GCH1: variants seen among roughly 807,000 people sequenced by gnomAD.
GCH1 encodes the protein GTP cyclohydrolase I.
GCH1 carries 5 observed loss-of-function variants against 25.9 expected under a neutral mutation model. That is an observed-to-expected ratio of 0.19 (90% CI 0.10 to 0.41). GCH1 has a LOEUF of 0.41. Ranked by LOEUF, GCH1 falls within the 10% of genes least tolerant of loss-of-function variation. GCH1 has a pLI of 1.00. For synonymous variants in GCH1, 159 were observed against 129.6 expected (o/e 1.23, Z -1.54); for missense variants, 261 against 336.5 (o/e 0.78, Z 1.75).
rs114350115 is a variant in GCH1, at chr14:54,862,257, T to C, written c.454-2521A>G. On this transcript the variant is annotated intron_variant, in intron 2 of 5. Coordinates refer to ENST00000491895, the MANE Select transcript of GCH1 (RefSeq NM_000161.3). ...AGTCTCACTTGCTGGTCTTGAACTATTGACCTGAAGCTATCCTCCCACCTT... is the reference window on the plus strand; with the variant it reads ...AGTCTCACTTGCTGGTCTTGAACTACTGACCTGAAGCTATCCTCCCACCTT... 4.1e-3 allele frequency among the ~76,000 whole-genome samples: 620 copies of C among 152,166 alleles called. 5 individuals carry two copies. Among genetic ancestry groups the C allele is most frequent in the African/African-American group, 0.013 (559 of 41,484 alleles).
chr14:54,867,656 G>A (rs961844214), intron 1 of GCH1, among the ~76,000 whole-genome samples: 3 of 149,416 alleles, frequency 2.0e-5, no homozygotes, highest in African/African-American at 7.4e-5. Flanking sequence ...CCTTGGGCAA[G>A]GTACTCTGTA....
chr14:54,899,690 T>C lies in GCH1; in HGVS notation c.343+2631A>G, dbSNP rs554459527. 3.4e-4 allele frequency among the ~76,000 whole-genome samples: 51 copies of C among 152,158 alleles called. 1 individual carries two copies. Among genetic ancestry groups the C allele is most frequent in the Non-Finnish European group, 6.9e-4 (47 of 68,012 alleles). ...ATTTTTAGCCATCTTGAAGTTACAA[T>C]CCAGTGGCATTCACAATATTGTGCA... On this transcript the variant is annotated intron_variant, in intron 1 of 5. Coordinates refer to ENST00000491895, the MANE Select transcript of GCH1 (RefSeq NM_000161.3).
At position 54,902,603 on chromosome 14, in the gene GCH1, C is replaced by A. The variant is rs1342263570; in HGVS notation, c.61G>T (p.Gly21Trp). The change falls in exon 1 of 6, where the codon GGG (glycine) becomes TGG (tryptophan). Residue 21 changes from glycine to tryptophan, a missense_variant. By Grantham distance (184) the Gly-to-Trp change is radical. This residue lies in a region of GCH1 where 125 missense variants were observed against 128.7 expected (regional missense o/e 0.97). Transcript: ENST00000491895. ...CGCGGCGGATCCCGCTCGGGGAACC[C>A]ATTGCTGCACCTGGCGCCCCGCGGC... ...EKPRGARCSN[G>W]FPERDPPRPG... 1 of 1,494,386 alleles carries A rather than the reference C, an allele frequency of 6.7e-7. No homozygotes were observed. The allele number at this position is 1,494,386 out of a possible 1,614,324, so 92.6% of individuals were successfully genotyped here. A position where few individuals can be genotyped will look rare whatever the true frequency, so the allele number is the denominator to read the frequency against.
chr14:54,847,227 T>C, intron 3 of GCH1, 97 bp from the exon 4 acceptor site: 1 of 574,122 alleles, frequency 1.7e-6, no homozygotes, highest in East Asian at 3.3e-5. Flanking sequence ...TTGAAGCAAG[T>C]GGGCTGCAAG....
At chr14:54,859,117 C>T in intron 3 of GCH1, 1 of 157,394 alleles carries the variant, frequency 6.4e-6, no homozygotes, top group Non-Finnish European at 1.4e-5. Flanking sequence ...GACTGGCCTG[C>T]AGGACCCCTG....
intron 1 of GCH1, among the ~76,000 whole-genome samples, chr14:54,899,674 C>G (rs983800261): frequency 6.6e-6 from 1 of 151,942 alleles, no homozygotes; most frequent in African/African-American, 2.4e-5. Context: ...CATTTTTAGC[C>G]ATCTTGAAGT....
In GCH1 at chr14:54,843,636, C is replaced by A; in HGVS notation, c.*381G>T. 5 of 1,506,728 alleles carry A rather than the reference C, an allele frequency of 3.3e-6. No homozygotes were observed. Among genetic ancestry groups the A allele is most frequent in the South Asian group, 1.4e-5 (1 of 72,896 alleles). The allele number at this position is 1,506,728 out of a possible 1,614,324, so 93.3% of individuals were successfully genotyped here. A position where few individuals can be genotyped will look rare whatever the true frequency, so the allele number is the denominator to read the frequency against. On this transcript the variant is annotated 3_prime_UTR_variant, in exon 6 of 6. Transcript: ENST00000491895. Reference sequence around the variant, plus strand: ...ACTTTTATTGGAGGAAGAAAAAAAACAGTATACTGGGCACAGTTCCCTCTC... The same window carrying A: ...ACTTTTATTGGAGGAAGAAAAAAAAAAGTATACTGGGCACAGTTCCCTCTC...
chr14:54,844,213 C>T, intron 5 of GCH1, 70 bp from the exon 6 acceptor site: 1 of 989,498 alleles, frequency 1.0e-6, no homozygotes, highest in Non-Finnish European at 1.6e-6. Flanking sequence ...AAAAGCAGGC[C>T]TAAAGATTAA....
At chr14:54,896,357 T>C (rs1436945217) in intron 1 of GCH1, among the ~76,000 whole-genome samples, 1 of 152,142 alleles carries the variant, frequency 6.6e-6, no homozygotes, top group African/African-American at 2.4e-5. Flanking sequence ...ACCAGTATCC[T>C]TCCTTCTCCC....
In GCH1 at chr14:54,900,845, T is replaced by TCACACACACACA. The variant is rs3221690; in HGVS notation, c.343+1464_343+1475dup. 1.5e-3 allele frequency among the ~76,000 whole-genome samples: 220 copies of TCACACACACACA among 144,736 alleles called. 1 individual carries two copies. The highest frequency in any genetic ancestry group is 5.4e-3 in the Admixed American group (78 of 14,352). The allele number at this position is 144,736 out of a possible 152,430, so 95.0% of individuals were successfully genotyped here. On this transcript the variant is annotated intron_variant, in intron 1 of 5. Transcript: ENST00000491895. ...ACATTTCATTACATTGTGAAATATC[T>TCACACACACACA]CACACACACACACACACACACACAC...
At chr14:54,879,671 T>C (rs2040215493) in intron 1 of GCH1, among the ~76,000 whole-genome samples, 1 of 152,044 alleles carries the variant, frequency 6.6e-6, no homozygotes, top group Admixed American at 6.6e-5. Flanking sequence ...ATGTTACATG[T>C]TGTTTGTAAA....
chr14:54,843,728 C>T lies in GCH1; in HGVS notation c.*289G>A. ...ATTTGAAAAAAATACACTAATTCTT[C>T]TCCCTTCCCAGGCCCCTCTGGTTAT... is the stretch of plus-strand genomic sequence containing the variant. On this transcript the variant is annotated 3_prime_UTR_variant, in exon 6 of 6. Transcript: ENST00000491895. 2 of 1,612,204 alleles carry T rather than the reference C, an allele frequency of 1.2e-6. No individual in the cohort carries two copies. Among genetic ancestry groups the T allele is most frequent in the Non-Finnish European group, 1.7e-6 (2 of 1,179,520 alleles).
At position 54,880,848 on chromosome 14, in the gene GCH1, C is replaced by CATATATATATACTCCAT. The variant is rs2040260761; in HGVS notation, c.344-15429_344-15413dup. Among the ~76,000 whole-genome samples the CATATATATATACTCCAT allele has an allele frequency of 3.1e-5, 2 of 63,740 alleles. 1 individual carries two copies. The highest frequency in any genetic ancestry group is 1.9e-4 in the African/African-American group (2 of 10,514). 41.8% of individuals were successfully genotyped at this position (63,740 alleles called of 152,430 possible). A position where few individuals can be genotyped will look rare whatever the true frequency, so the allele number is the denominator to read the frequency against. On this transcript the variant is annotated intron_variant, in intron 1 of 5. Transcript: ENST00000491895. ...ATATACTCCATATATATATATACTC[C>CATATATATATACTCCAT]ATATATATATACTCCATAATATATG... is the stretch of plus-strand genomic sequence containing the variant.
chr14:54,902,177 G>A lies in GCH1; in HGVS notation c.343+144C>T, dbSNP rs28413055. The A allele has an allele frequency of 0.012, 10,188 of 874,290 alleles. 701 individuals carry two copies. In the African/African-American group the frequency reaches 0.14, roughly 12 times the overall value. The allele number at this position is 874,290 out of a possible 1,614,324, so 54.2% of individuals were successfully genotyped here. On this transcript the variant is annotated intron_variant, in intron 1 of 5. Transcript: ENST00000491895. ...ACGCAGGGCCTCGGCAGGGCGGCAG[G>A]CTAGGGCGGGTTCGGAGGTGACAGC...
At chr14:54,901,750 A>T (rs1247638001) in intron 1 of GCH1, among the ~76,000 whole-genome samples, 1 of 152,024 alleles carries the variant, frequency 6.6e-6, no homozygotes, top group Non-Finnish European at 1.5e-5. Flanking sequence ...CCTGAACTGG[A>T]GTAAACTTGA....
chr14:54,843,473 G>A lies in GCH1; in HGVS notation c.*544C>T. On this transcript the variant is annotated 3_prime_UTR_variant, in exon 6 of 6. Transcript: ENST00000491895. Reference sequence around the variant, plus strand: ...AGACATTCCACCACCTTCCCTTGGTGACTAACATTACGACTGCTAAAAATA... The same window carrying A: ...AGACATTCCACCACCTTCCCTTGGTAACTAACATTACGACTGCTAAAAATA... 8.0e-7 allele frequency: 1 copy of A among 1,244,668 alleles called. No individual in the cohort carries two copies. Among genetic ancestry groups the A allele is most frequent in the Admixed American group, 4.0e-5 (1 of 24,992 alleles). 77.1% of individuals were successfully genotyped at this position (1,244,668 alleles called of 1,614,324 possible).
chr14:54,885,635 T>C, intron 1 of GCH1: 1 of 307,520 alleles, frequency 3.3e-6, no homozygotes, highest in Non-Finnish European at 6.3e-6. Context: ...ACACCTGTAA[T>C]CCCAGCACTT....
rs141799669 is a variant in GCH1, at chr14:54,892,339, G to A, written c.343+9982C>T. Among the ~76,000 whole-genome samples the A allele has an allele frequency of 2.4e-3, 372 of 152,256 alleles. 2 individuals carry two copies. Among genetic ancestry groups the A allele is most frequent in the African/African-American group, 8.5e-3 (355 of 41,548 alleles). ...GGAACTACTGTATCTTCAATTCTAA[G>A]GTTTTCTTGAAATAAGGAAATTAAA... On this transcript the variant is annotated intron_variant, in intron 1 of 5. Transcript: ENST00000491895.
At chr14:54,860,940 C>T (rs1339514685) in intron 2 of GCH1, among the ~76,000 whole-genome samples, 1 of 152,154 alleles carries the variant, frequency 6.6e-6, no homozygotes, top group Non-Finnish European at 1.5e-5. Context: ...TACAGCCAGG[C>T]CATTTCTGTT....
Sources: gnomAD v4.1 joint callset for allele counts (sites outside exome capture counted in the v4.1 genomes callset) on GRCh38, gnomAD v4.1.1 for gene constraint, gnomAD v4.1.1 regional missense constraint, MANE v1.5 for transcripts, NCBI Gene and HGNC (gene_info 2026-07-23, HGNC 2026-07-21) for gene names.